AURKC: variants seen among roughly 807,000 people sequenced by gnomAD.
AURKC encodes the protein ARK-3.
A neutral mutation model predicts 29.2 loss-of-function variants in AURKC; 15 were observed. The observed-to-expected ratio is 0.51, with a 90% confidence interval of 0.34 to 0.79. AURKC has a LOEUF of 0.79. Among genes scored for constraint, AURKC ranks in the 30% least tolerant of loss-of-function variants. The pLI is 0.01. For synonymous variants in AURKC, 150 were observed against 149.9 expected, an observed-to-expected ratio of 1.00 and a Z score of -0.01; for missense variants, 332 against 383.2, an observed-to-expected ratio of 0.87 and a Z score of 1.12.
At chr19:57,235,116 T>C in intron 6 of AURKC, 58 bp downstream of exon 6, 3 of 1,612,598 alleles carry the variant, frequency 1.9e-6, no homozygotes, top group Non-Finnish European at 2.5e-6. Context: ...GCTGCTGGGC[T>C]GTGGGCACAC....
Position 57,232,621 on chromosome 19 carries a change from G to C in AURKC, c.376G>C (p.Gly126Arg). ...VYLILEYAPR[G>R]ELYKELQKSE... is the part of the protein sequence containing the mutation. The stretch of plus-strand genomic sequence containing the variant: ...CCTGATTCTGGAATATGCTCCAAGG[G>C]GTGAGCTCTACAAGGAGCTGCAGAA... The change falls in exon 4 of 7, where the codon GGT becomes CGT. Residue 126 changes from glycine to arginine, a missense_variant. Physicochemically the swap from Gly to Arg is moderately radical, Grantham distance 125. Coordinates refer to ENST00000302804, the MANE Select transcript of AURKC (RefSeq NM_001015878.2). This position sits in a 1 kb window ranked among gnomAD's most constrained non-coding sequence, Gnocchi z 4.5. 1 of 1,614,084 alleles carries C rather than the reference G, an allele frequency of 6.2e-7. No individual in the cohort carries two copies. Among genetic ancestry groups the C allele is most frequent in the Non-Finnish European group, 8.5e-7 (1 of 1,180,026 alleles).
Sources: gnomAD v4.1 joint callset for allele counts on GRCh38, gnomAD v4.1.1 for gene constraint, Gnocchi (gnomAD v3.1) non-coding constraint, MANE v1.5 for transcripts, NCBI Gene and HGNC (gene_info 2026-07-23, HGNC 2026-07-21) for gene names.